SLC5A4: variants seen among roughly 807,000 people sequenced by gnomAD.
SLC5A4 encodes the protein probable glucose sensor protein SLC5A4.
A neutral mutation model predicts 70.3 loss-of-function variants in SLC5A4; 55 were observed. That is an observed-to-expected ratio of 0.78 (90% CI 0.63 to 0.98). SLC5A4 has a LOEUF of 0.98. Ranked by LOEUF, SLC5A4 falls within the 50% of genes least tolerant of loss-of-function variation. The pLI, the probability that SLC5A4 is intolerant of heterozygous loss-of-function variation, is 0.00. For missense variants in SLC5A4, 735 were observed against 839.2 expected, an observed-to-expected ratio of 0.88 and a Z score of 1.53; for synonymous variants, 268 against 305.7, an observed-to-expected ratio of 0.88 and a Z score of 1.29.
chr22:32,349,744 T>C, the SLC5A4 span, among the ~76,000 whole-genome samples: 3 of 152,218 alleles, frequency 2.0e-5, no homozygotes, highest in Non-Finnish European at 2.9e-5. Context: ...ACATCACACA[T>C]ACAGCACTTC....
the SLC5A4 span, among the ~76,000 whole-genome samples, chr22:32,274,966 T>G: frequency 6.6e-6 from 1 of 152,244 alleles, no homozygotes; most frequent in East Asian, 1.9e-4. Flanking sequence ...ATTCAAGCTC[T>G]TTCTCTAGTC....
At chr22:32,335,743 C>T in the SLC5A4 span, among the ~76,000 whole-genome samples, 1 of 152,210 alleles carries the variant, frequency 6.6e-6, no homozygotes, top group East Asian at 1.9e-4. Context: ...GGTCCCAGCA[C>T]ACAGGGTGTG....
At chr22:32,275,585 T>C in the SLC5A4 span, among the ~76,000 whole-genome samples, 2 of 152,338 alleles carry the variant, frequency 1.3e-5, no homozygotes, top group South Asian at 4.1e-4. Context: ...CCATGGTGTA[T>C]ATGTGCCACA....
chr22:32,282,112 G>T, the SLC5A4 span, among the ~76,000 whole-genome samples: 3 of 152,188 alleles, frequency 2.0e-5, no homozygotes, highest in Non-Finnish European at 4.4e-5. Context: ...CAAAGTGCTG[G>T]GATTACAGGT....
At chr22:32,339,671 C>T in the SLC5A4 span, among the ~76,000 whole-genome samples, 1 of 152,212 alleles carries the variant, frequency 6.6e-6, no homozygotes, top group Non-Finnish European at 1.5e-5. Context: ...AGATTCAAGG[C>T]TGCGAAAGAC....
At chr22:32,339,675 G>T in the SLC5A4 span, among the ~76,000 whole-genome samples, 1 of 152,202 alleles carries the variant, frequency 6.6e-6, no homozygotes, top group Non-Finnish European at 1.5e-5. Context: ...TCAAGGCTGC[G>T]AAAGACCTTC....
the SLC5A4 span, among the ~76,000 whole-genome samples, chr22:32,306,438 C>T: frequency 6.7e-6 from 1 of 149,372 alleles, no homozygotes; most frequent in South Asian, 2.2e-4. Context: ...TGCACTCCAG[C>T]CTGGGCGACA....
At chr22:32,330,974 G>GT in the SLC5A4 span, among the ~76,000 whole-genome samples, 1 of 2,054 alleles carries the variant, frequency 4.9e-4, no homozygotes, top group South Asian at 0.018. Flanking sequence ...TGGGGGCACT[G>GT]GTGTGTGTGT....
chr22:32,348,223 G>A, the SLC5A4 span, among the ~76,000 whole-genome samples: 16 of 152,318 alleles, frequency 1.1e-4, no homozygotes, highest in East Asian at 2.1e-3. Context: ...TGCCAGACAC[G>A]CAGTAGAAAC....
At chr22:32,323,641 G>A in the SLC5A4 span, among the ~76,000 whole-genome samples, 32 of 152,258 alleles carry the variant, frequency 2.1e-4, 1 homozygote, top group South Asian at 6.2e-4. Flanking sequence ...AGGGAAGAGG[G>A]ACAAAGTCAG....
At chr22:32,279,565 C>T in the SLC5A4 span, among the ~76,000 whole-genome samples, 2 of 151,924 alleles carry the variant, frequency 1.3e-5, no homozygotes, top group African/African-American at 4.8e-5. Context: ...CCGAGGTGGG[C>T]GGATCACCTG....
Position 32,218,656 on chromosome 22 carries a change from G to C in SLC5A4, c.1838C>G (p.Pro613Arg). ...TTCCTCCTCCTCCTTGGTTAGCTTG[G>C]GTCCCTTCTGCAAACCGCAGAACAA... ...YDLFCGLQKG[P>R]KLTKEEEEAL... The change falls in exon 15 of 15, where the codon CCC (proline) becomes CGC (arginine). Residue 613 changes from proline to arginine, a missense_variant. Pro to Arg is a moderately radical substitution (Grantham distance 103, BLOSUM62 -2). Transcript: ENST00000266086. The C allele has an allele frequency of 6.2e-7, 1 of 1,613,868 alleles. No homozygotes were observed.
At chr22:32,304,333 G>T in the SLC5A4 span, among the ~76,000 whole-genome samples, 2 of 151,988 alleles carry the variant, frequency 1.3e-5, no homozygotes, top group Non-Finnish European at 2.9e-5. Flanking sequence ...CAGAGATGGG[G>T]TTTCACCATG....
At chr22:32,339,946 C>T in the SLC5A4 span, among the ~76,000 whole-genome samples, 1 of 152,212 alleles carries the variant, frequency 6.6e-6, no homozygotes, top group Admixed American at 6.5e-5. Context: ...CTGCCTTGCA[C>T]AGAGAACCCA....
At chr22:32,234,426 C>T (rs1453405067) in intron 8 of SLC5A4, among the ~76,000 whole-genome samples, 5 of 152,146 alleles carry the variant, frequency 3.3e-5, no homozygotes, top group Admixed American at 1.3e-4. Flanking sequence ...AAGCTGGGTG[C>T]GGTGGCTCAC....
At chr22:32,308,086 TACCTA>T in the SLC5A4 span, among the ~76,000 whole-genome samples, 2 of 152,262 alleles carry the variant, frequency 1.3e-5, no homozygotes, top group East Asian at 1.9e-4. Flanking sequence ...CCTACCTACC[TACCTA>T]GAGTCACTCT....
At chr22:32,290,269 C>T in the SLC5A4 span, among the ~76,000 whole-genome samples, 1 of 152,030 alleles carries the variant, frequency 6.6e-6, no homozygotes, top group East Asian at 1.9e-4. Context: ...CCCTGACAGG[C>T]CCCGGTGTGT....
the SLC5A4 span, among the ~76,000 whole-genome samples, chr22:32,274,389 G>A: frequency 2.6e-5 from 4 of 152,240 alleles, no homozygotes; most frequent in East Asian, 7.7e-4. Context: ...TACTGTTACA[G>A]ATATGATGAA....
chr22:32,234,707 AAACAC>A (rs1043016513), intron 8 of SLC5A4, among the ~76,000 whole-genome samples, 161 bp downstream of exon 8: 3 of 152,122 alleles, frequency 2.0e-5, no homozygotes, highest in Non-Finnish European at 2.9e-5. Context: ...CATCTCAAAA[AAACAC>A]AAAAAACAAA....
Sources: gnomAD v4.1 joint callset for allele counts (sites outside exome capture counted in the v4.1 genomes callset) on GRCh38, gnomAD v4.1.1 for gene constraint, MANE v1.5 for transcripts, NCBI Gene and HGNC (gene_info 2026-07-23, HGNC 2026-07-21) for gene names.